Variants in KMT2C observed in about 807,000 individuals in gnomAD.
The protein encoded by KMT2C is histone-lysine N-methyltransferase 2C.
In KMT2C, 88 loss-of-function variants were observed where a neutral mutation model predicts 507.9. That is an observed-to-expected ratio of 0.17 (90% CI 0.15 to 0.21). The LOEUF is 0.21. KMT2C is among the 10% of genes least tolerant of loss of function. KMT2C has a pLI of 1.00. For synonymous variants in KMT2C, 2,049 were observed against 2,080.8 expected (o/e 0.98, Z 0.42); for missense variants, 4,954 against 5,957.8 (o/e 0.83, Z 5.55).
chr7:152,226,502 G>C (rs149467819), intron 18 of KMT2C, among the ~76,000 whole-genome samples: 1,649 of 152,222 alleles, frequency 0.011, 28 homozygotes, highest in African/African-American at 0.038. Flanking sequence ...AAAGTGCTGG[G>C]ATGACAGGTG....
chr7:152,181,990 G>A lies in KMT2C; in HGVS notation c.5870C>T (p.Thr1957Met), dbSNP rs372410972. ...TTTTGCATAGGGGTCATTATTTGTCGTGGAAGAAGAACATAAATCTCTGAC... is the reference window on the plus strand; with the variant it reads ...TTTTGCATAGGGGTCATTATTTGTCATGGAAGAAGAACATAAATCTCTGAC... ...SPVRDLCSSSTTNNDPYAKPP... is the reference protein window; with the variant it reads ...SPVRDLCSSSMTNNDPYAKPP... Residue 1957 changes from threonine (T) to methionine (M), a missense_variant, in exon 36 of 59, where the codon ACG becomes ATG. Transcript: ENST00000262189. 60 of 1,614,058 alleles carry A rather than the reference G, an allele frequency of 3.7e-5. No homozygotes were observed. The highest frequency in any genetic ancestry group is 5.0e-5 in the Admixed American group (3 of 60,010).
intron 2 of KMT2C, among the ~76,000 whole-genome samples, chr7:152,357,772 G>T (rs2097164306): frequency 6.6e-6 from 1 of 152,094 alleles, no homozygotes; most frequent in African/African-American, 2.4e-5. Context: ...GGCTTTCCAA[G>T]AATTATACCT....
intron 33 of KMT2C, 68 bp downstream of exon 33, chr7:152,187,194 T>TAA (rs796153743): frequency 9.6e-5 from 109 of 1,138,734 alleles, no homozygotes; most frequent in African/African-American, 2.6e-4. Context: ...CTATTGCAGT[T>TAA]AAAAAAAAAA....
intron 2 of KMT2C, among the ~76,000 whole-genome samples, chr7:152,346,734 C>G (rs2097060962): frequency 6.6e-6 from 1 of 152,114 alleles, no homozygotes; most frequent in Non-Finnish European, 1.5e-5. Context: ...TGACAGGAAG[C>G]CTTACCAATA....
rs560169818 is a variant in KMT2C at position 152,413,023 on chromosome 7, A to G, written c.161+22603T>C. Among the ~76,000 whole-genome samples the G allele has an allele frequency of 9.2e-5, 14 of 152,304 alleles. No homozygotes were observed. The East Asian group carries it at 2.3e-3, about 25-fold the overall frequency. On this transcript the variant is annotated intron_variant, in intron 1 of 58. Transcript: ENST00000262189. Reference sequence around the variant, plus strand: ...TACAAGGCAGTTGACTGTACAGTTCATGCTTGTATACAGATGGACAGACTA... The same window carrying G: ...TACAAGGCAGTTGACTGTACAGTTCGTGCTTGTATACAGATGGACAGACTA...
intron 6 of KMT2C, among the ~76,000 whole-genome samples, chr7:152,299,825 T>C (rs1008331688): frequency 1.3e-5 from 2 of 151,922 alleles, no homozygotes; most frequent in African/African-American, 2.4e-5. Flanking sequence ...ATCAGAGAAA[T>C]AAAACTATCG....
intron 16 of KMT2C, among the ~76,000 whole-genome samples, chr7:152,232,586 C>T (rs996672720): frequency 7.2e-5 from 11 of 151,988 alleles, no homozygotes; most frequent in Non-Finnish European, 1.6e-4. Flanking sequence ...ATATACCAAA[C>T]TGATAACAGG....
At chr7:152,398,065 AC>A (rs1260575169) in intron 1 of KMT2C, among the ~76,000 whole-genome samples, 1 of 152,110 alleles carries the variant, frequency 6.6e-6, no homozygotes, top group Non-Finnish European at 1.5e-5. Flanking sequence ...CTTCCTGACC[AC>A]CTTAGCCACA....
chr7:152,319,225 T>G (rs2096749177), intron 3 of KMT2C, among the ~76,000 whole-genome samples: 2 of 152,092 alleles, frequency 1.3e-5, no homozygotes, highest in African/African-American at 4.8e-5. Context: ...ACAAAATATA[T>G]AAAATAAGAA....
intron 3 of KMT2C, among the ~76,000 whole-genome samples, chr7:152,315,611 C>A (rs1241905022): frequency 6.6e-6 from 1 of 152,066 alleles, no homozygotes; most frequent in Non-Finnish European, 1.5e-5. Context: ...AAGTTATTTT[C>A]TTTTATATTT....
rs1299514977 is a variant in KMT2C, at chr7:152,219,864, G to A, written c.3712+659C>T. Among the ~76,000 whole-genome samples, 7 of 152,088 alleles carry A rather than the reference G, an allele frequency of 4.6e-5. No individual in the cohort carries two copies. The South Asian group carries it at 6.2e-4, about 14-fold the overall frequency. On this transcript the variant is annotated intron_variant, in intron 23 of 58. Coordinates refer to ENST00000262189, the MANE Select transcript of KMT2C (RefSeq NM_170606.3). ...AAAAAAATACAAAAATTAGCCAGGC[G>A]TGGTGGCCCGCATCCATGGTCCCAG... is the stretch of plus-strand genomic sequence containing the variant.
chr7:152,327,970 A>AG (rs1156570904), intron 3 of KMT2C, among the ~76,000 whole-genome samples: 6 of 150,742 alleles, frequency 4.0e-5, no homozygotes, highest in Non-Finnish European at 8.8e-5. Context: ...AAAAAAAAAA[A>AG]AAAAAGAAAA....
At chr7:152,143,237 C>G (rs1488010177) in intron 55 of KMT2C, among the ~76,000 whole-genome samples, 1 of 152,202 alleles carries the variant, frequency 6.6e-6, no homozygotes, top group African/African-American at 2.4e-5. Flanking sequence ...AGAGAAAACA[C>G]AGATACTCCA....
intron 2 of KMT2C, among the ~76,000 whole-genome samples, chr7:152,348,627 A>C (rs1308661662): frequency 6.7e-6 from 1 of 148,828 alleles, no homozygotes; most frequent in Admixed American, 6.7e-5. Context: ...AAAAAAAAGA[A>C]AGAAAGAAAG....
intron 2 of KMT2C, among the ~76,000 whole-genome samples, chr7:152,358,200 T>C (rs2097167838): frequency 6.6e-6 from 1 of 152,204 alleles, no homozygotes; most frequent in African/African-American, 2.4e-5. Context: ...ATTAATTCCA[T>C]AACGAAACAT....
intron 2 of KMT2C, among the ~76,000 whole-genome samples, chr7:152,352,355 C>G (rs948574659): frequency 1.3e-5 from 2 of 152,202 alleles, no homozygotes; most frequent in Non-Finnish European, 2.9e-5. Context: ...TAATTTCGCC[C>G]TGGTCCTGTG....
Position 152,321,234 on chromosome 7 carries a change from A to AAAAT in KMT2C, c.390-5900_390-5897dup, listed in dbSNP as rs781567669. On this transcript the variant is annotated intron_variant, in intron 3 of 58. Transcript: ENST00000262189. ...CAACAGAGCAAGACTCCCTTTCAAGAAAATAAATAAATAAATAAATAAATA... is the reference window on the plus strand; with the variant it reads ...CAACAGAGCAAGACTCCCTTTCAAGAAAATAAATAAATAAATAAATAAATAAATA... 1.8e-3 allele frequency among the ~76,000 whole-genome samples: 270 copies of AAAAT among 151,732 alleles called. 4 individuals carry two copies. The highest frequency in any genetic ancestry group is 3.3e-3 in the East Asian group (17 of 5,180).
In KMT2C at chr7:152,147,058, C is replaced by T. The variant is rs563351384; in HGVS notation, c.13895-323G>A. On this transcript the variant is annotated intron_variant, in intron 52 of 58. Transcript: ENST00000262189. ...CATACCAGATTTTAAAATGATTAGT[C>T]TAATTGGTAATGTCTATAGCTATGT... Among the ~76,000 whole-genome samples, 5 of 152,114 alleles carry T rather than the reference C, an allele frequency of 3.3e-5. No individual in the cohort carries two copies. The South Asian group carries it at 1.0e-3, about 32-fold the overall frequency.
Position 152,205,669 on chromosome 7 carries a change from C to A in KMT2C, c.3842-444G>T, listed in dbSNP as rs1375390850. Among the ~76,000 whole-genome samples, 8 of 151,596 alleles carry A rather than the reference C, an allele frequency of 5.3e-5. No homozygotes were observed. In the South Asian group the frequency reaches 8.3e-4, roughly 16 times the overall value. ...AAATTCCCACCACATACAGACATCA[C>A]CGTAGTTATAACACCGTAGCACAAT... is the stretch of plus-strand genomic sequence containing the variant. On this transcript the variant is annotated intron_variant, in intron 24 of 58. Transcript: ENST00000262189.
Sources: gnomAD v4.1 joint callset for allele counts (sites outside exome capture counted in the v4.1 genomes callset) on GRCh38, gnomAD v4.1.1 for gene constraint, MANE v1.5 for transcripts, NCBI Gene and HGNC (gene_info 2026-07-23, HGNC 2026-07-21) for gene names.